CUX2: variants seen among roughly 807,000 people sequenced by gnomAD.
CUX2 encodes cut like homeobox 2.
Under a neutral mutation model 144.8 loss-of-function variants are expected in CUX2, and 40 were observed. That is an observed-to-expected ratio of 0.28 (90% confidence interval 0.21 to 0.36). The LOEUF is 0.36. Ranked by LOEUF, CUX2 falls within the 10% of genes least tolerant of loss-of-function variation. The pLI is 1.00. For synonymous variants in CUX2, 827 were observed against 875.6 expected, an observed-to-expected ratio of 0.94 and a Z score of 0.98; for missense variants, 1,615 against 1,994.0, an observed-to-expected ratio of 0.81 and a Z score of 3.62.
intron 4 of CUX2, among the ~76,000 whole-genome samples, chr12:111,279,894 A>C (rs1056018779): frequency 5.3e-5 from 8 of 152,262 alleles, no homozygotes; most frequent in African/African-American, 1.9e-4. Context: ...AGGCAGGAGA[A>C]TCACTTGAAC....
intron 1 of CUX2, among the ~76,000 whole-genome samples, chr12:111,122,340 T>A (rs1403289552): frequency 6.6e-6 from 1 of 152,202 alleles, no homozygotes; most frequent in African/African-American, 2.4e-5. Context: ...TTTTAATTTC[T>A]TGCAAGGATG....
chr12:111,092,998 T>C (rs1447946875), intron 1 of CUX2, among the ~76,000 whole-genome samples: 1 of 152,024 alleles, frequency 6.6e-6, no homozygotes, highest in Admixed American at 6.6e-5. Flanking sequence ...GTATTTTTTG[T>C]AGAGACAAGT....
At chr12:111,117,892 C>T (rs1874398997) in intron 1 of CUX2, among the ~76,000 whole-genome samples, 2 of 152,174 alleles carry the variant, frequency 1.3e-5, no homozygotes, top group Non-Finnish European at 2.9e-5. Flanking sequence ...ATTATAATAA[C>T]CCCATTTACT....
At position 111,255,637 on chromosome 12, in the gene CUX2, T is replaced by C. The variant is rs773961463; in HGVS notation, c.223-8124T>C. On this transcript the variant is annotated intron_variant, in intron 3 of 21. Coordinates refer to ENST00000261726, the MANE Select transcript of CUX2 (RefSeq NM_015267.4). This position sits in a 1 kb window ranked among gnomAD's most constrained non-coding sequence, Gnocchi z 4.1. ...CTCTGAGTCTCAGCTCCCAGCACCATGTGGCCATCACCCTCTGTGCCTCGA... is the reference window on the plus strand; with the variant it reads ...CTCTGAGTCTCAGCTCCCAGCACCACGTGGCCATCACCCTCTGTGCCTCGA... 6.6e-6 allele frequency among the ~76,000 whole-genome samples: 1 copy of C among 152,208 alleles called. No individual in the cohort carries two copies. Among genetic ancestry groups the C allele is most frequent in the Non-Finnish European group, 1.5e-5 (1 of 68,032 alleles).
In CUX2 at chr12:111,303,221, GAAA is replaced by G. The variant is rs5800927; in HGVS notation, c.754-965_754-963del. On this transcript the variant is annotated intron_variant, in intron 9 of 21. Transcript: ENST00000261726. The stretch of plus-strand genomic sequence containing the variant: ...GGGTGACAGAGCGAGACCCTGTCTC[GAAA>G]AAAAAAAAAAAAAAAAAAAAAAATC... 8.5e-4 allele frequency among the ~76,000 whole-genome samples: 42 copies of G among 49,390 alleles called. 1 individual carries two copies. Among genetic ancestry groups the G allele is most frequent in the African/African-American group, 2.7e-3 (31 of 11,496 alleles). 32.4% of individuals were successfully genotyped at this position (49,390 alleles called of 152,430 possible).
At chr12:111,120,396 C>T (rs549006496) in intron 1 of CUX2, among the ~76,000 whole-genome samples, 4 of 152,116 alleles carry the variant, frequency 2.6e-5, no homozygotes, top group East Asian at 1.9e-4. Context: ...GGTCAAATCA[C>T]GTCTCCTTCC....
At chr12:111,195,827 C>T (rs1174625231) in intron 1 of CUX2, among the ~76,000 whole-genome samples, 1 of 152,148 alleles carries the variant, frequency 6.6e-6, no homozygotes, top group Non-Finnish European at 1.5e-5. Flanking sequence ...GCTTCCCCTA[C>T]CTCCTCATTT....
chr12:111,162,457 T>C (rs1158612769), intron 1 of CUX2, among the ~76,000 whole-genome samples: 1 of 152,168 alleles, frequency 6.6e-6, no homozygotes, highest in East Asian at 1.9e-4. Context: ...TGCAGCTGTA[T>C]TGAAGCCCCA....
At chr12:111,159,953 A>T (rs1485549328) in intron 1 of CUX2, among the ~76,000 whole-genome samples, 1 of 152,208 alleles carries the variant, frequency 6.6e-6, no homozygotes. Context: ...TGAACCCGGG[A>T]GGCAGAGGTT....
chr12:111,072,648 A>G (rs1871298837), intron 1 of CUX2, among the ~76,000 whole-genome samples: 1 of 152,242 alleles, frequency 6.6e-6, no homozygotes, highest in South Asian at 2.1e-4. Context: ...GCCCTGCCCC[A>G]GGGAAATAAA....
rs1038548903 is a variant in CUX2, at chr12:111,188,651, G to C, written c.64-25549G>C. Among the ~76,000 whole-genome samples the C allele has an allele frequency of 5.3e-5, 8 of 152,136 alleles. No individual in the cohort carries two copies. In the East Asian group the frequency reaches 9.6e-4, roughly 18 times the overall value. ...GGAACCCAGAGAGCGGGGGGGAAAG[G>C]AGGGCAGAGAAGTGGGCGGGGCCAG... On this transcript the variant is annotated intron_variant, in intron 1 of 21. Transcript: ENST00000261726.
intron 1 of CUX2, among the ~76,000 whole-genome samples, chr12:111,206,543 G>A (rs575306292): frequency 6.6e-6 from 1 of 152,330 alleles, no homozygotes; most frequent in East Asian, 1.9e-4. Flanking sequence ...GGCACATAGT[G>A]TTAGAATGGC....
intron 1 of CUX2, among the ~76,000 whole-genome samples, chr12:111,104,009 C>T (rs1325898318): frequency 1.3e-5 from 2 of 152,202 alleles, no homozygotes; most frequent in Admixed American, 6.5e-5. Flanking sequence ...TTGCCCAAGC[C>T]GTTCCGACCA....
intron 1 of CUX2, among the ~76,000 whole-genome samples, chr12:111,162,298 C>T (rs1320171281): frequency 1.3e-5 from 2 of 152,190 alleles, no homozygotes; most frequent in African/African-American, 4.8e-5. Flanking sequence ...GTGACTGCCA[C>T]GGGTGGGAGG....
chr12:111,131,161 T>C (rs1353996715), intron 1 of CUX2, among the ~76,000 whole-genome samples: 1 of 152,142 alleles, frequency 6.6e-6, no homozygotes. Context: ...GGCCTCAGAA[T>C]CATGGCAGGA....
chr12:111,041,628 G>GT (rs1206198405), intron 1 of CUX2, among the ~76,000 whole-genome samples: 2 of 152,192 alleles, frequency 1.3e-5, no homozygotes, highest in African/African-American at 4.8e-5. Context: ...GGTGACCAGT[G>GT]TCCCCTGAAA....
intron 1 of CUX2, among the ~76,000 whole-genome samples, chr12:111,161,987 T>C (rs1175463044): frequency 6.6e-6 from 1 of 152,222 alleles, no homozygotes; most frequent in East Asian, 1.9e-4. Flanking sequence ...CCTCCTGCCT[T>C]GGCCTCCCAA....
At chr12:111,241,036 A>G (rs1882993893) in intron 3 of CUX2, among the ~76,000 whole-genome samples, 1 of 152,120 alleles carries the variant, frequency 6.6e-6, no homozygotes, top group Non-Finnish European at 1.5e-5. Flanking sequence ...TGGGTAATGT[A>G]TAAAGAAAAG....
intron 1 of CUX2, among the ~76,000 whole-genome samples, chr12:111,093,643 G>C (rs1161314462): frequency 1.3e-5 from 2 of 152,296 alleles, no homozygotes; most frequent in Middle Eastern, 3.4e-3. Context: ...AATTTGACGG[G>C]GGGGCGATGA....
Sources: gnomAD v4.1 joint callset for allele counts (sites outside exome capture counted in the v4.1 genomes callset) on GRCh38, gnomAD v4.1.1 for gene constraint, Gnocchi (gnomAD v3.1) non-coding constraint, MANE v1.5 for transcripts, NCBI Gene and HGNC (gene_info 2026-07-23, HGNC 2026-07-21) for gene names.